Variants in SLC25A21 observed in about 807,000 individuals in gnomAD.
SLC25A21 encodes mitochondrial 2-oxodicarboxylate carrier.
Under a neutral mutation model 43.8 loss-of-function variants are expected in SLC25A21, and 47 were observed. The ratio of observed to expected loss-of-function variants is 1.07; its 90% CI spans 0.85 to 1.37. The LOEUF (loss-of-function observed/expected upper bound fraction) is 1.37, where lower values mean the gene tolerates loss of function less well. Among genes scored for constraint, SLC25A21 ranks in the 40% most tolerant of loss-of-function variants. The probability of loss-of-function intolerance (pLI) is 0.00; values close to 1 mark genes in which losing one functional copy is unlikely to be tolerated. For missense variants in SLC25A21, 352 were observed against 350.2 expected (o/e 1.00, Z -0.04); for synonymous variants, 131 against 121.3 (o/e 1.08, Z -0.52).
chr14:36,830,535 C>A (rs1889000224), intron 2 of SLC25A21, among the ~76,000 whole-genome samples: 1 of 151,210 alleles, frequency 6.6e-6, no homozygotes, highest in South Asian at 2.1e-4. Context: ...TATCCTTTTT[C>A]TTTTTTCAGG....
At chr14:37,046,217 C>T (rs1961582380) in intron 1 of SLC25A21, among the ~76,000 whole-genome samples, 1 of 152,058 alleles carries the variant, frequency 6.6e-6, no homozygotes, top group Non-Finnish European at 1.5e-5. Flanking sequence ...CCCTCTTTGC[C>T]GACGCTCTCA....
chr14:37,137,356 T>C (rs1025780581), intron 1 of SLC25A21, among the ~76,000 whole-genome samples: 1 of 152,234 alleles, frequency 6.6e-6, no homozygotes, highest in Non-Finnish European at 1.5e-5. Flanking sequence ...ATGTTTATGT[T>C]TAAATATTAT....
chr14:36,710,274 G>A (rs1566523748), intron 7 of SLC25A21, among the ~76,000 whole-genome samples: 1 of 151,918 alleles, frequency 6.6e-6, no homozygotes, highest in Non-Finnish European at 1.5e-5. Context: ...TCAGGAGGCT[G>A]GTGCAGGAGA....
intron 3 of SLC25A21, among the ~76,000 whole-genome samples, chr14:36,782,957 A>G (rs1029020812): frequency 2.1e-5 from 3 of 145,478 alleles, no homozygotes; most frequent in Non-Finnish European, 4.6e-5. Context: ...TATAATAAAA[A>G]AATATAAATA....
At chr14:37,135,058 GT>G (rs1195281267) in intron 1 of SLC25A21, among the ~76,000 whole-genome samples, 3 of 151,824 alleles carry the variant, frequency 2.0e-5, no homozygotes, top group Non-Finnish European at 4.4e-5. Context: ...CTCCCGAGTA[GT>G]TGAGATTACA....
intron 2 of SLC25A21, among the ~76,000 whole-genome samples, chr14:36,822,627 A>T (rs1888675795): frequency 6.6e-6 from 1 of 152,250 alleles, no homozygotes; most frequent in East Asian, 1.9e-4. Flanking sequence ...TAAAGTAACA[A>T]CATCTTGGCA....
intron 1 of SLC25A21, among the ~76,000 whole-genome samples, chr14:37,041,696 C>T (rs960588717): frequency 2.0e-5 from 3 of 152,168 alleles, no homozygotes; most frequent in Admixed American, 6.5e-5. Flanking sequence ...CCATGACAGT[C>T]AAGTCCAGCC....
chr14:37,004,504 G>C (rs1261440030), intron 1 of SLC25A21, among the ~76,000 whole-genome samples: 2 of 152,294 alleles, frequency 1.3e-5, no homozygotes, highest in African/African-American at 4.8e-5. Flanking sequence ...GTAATTCATG[G>C]AGTAACTGAA....
At chr14:37,128,538 C>CTCTGTGTGTGTGTG (rs1555348857) in intron 1 of SLC25A21, among the ~76,000 whole-genome samples, 55 of 122,796 alleles carry the variant, frequency 4.5e-4, no homozygotes, top group Admixed American at 1.2e-3. Context: ...CTCTCTCTCT[C>CTCTGTGTGTGTGTG]TGTGTGTGTG....
At chr14:37,087,180 G>C (rs1344417279) in intron 1 of SLC25A21, among the ~76,000 whole-genome samples, 1 of 152,018 alleles carries the variant, frequency 6.6e-6, no homozygotes, top group African/African-American at 2.4e-5. Context: ...AAGAAGTTCT[G>C]ACCTGTGAAT....
At chr14:36,682,482 G>A (rs1455881685) in intron 9 of SLC25A21, among the ~76,000 whole-genome samples, 1 of 152,104 alleles carries the variant, frequency 6.6e-6, no homozygotes, top group African/African-American at 2.4e-5. Flanking sequence ...ACAAAACTTG[G>A]GGTCAGATTA....
At chr14:36,932,382 G>A (rs1892317655) in intron 1 of SLC25A21, among the ~76,000 whole-genome samples, 2 of 152,108 alleles carry the variant, frequency 1.3e-5, no homozygotes, top group Admixed American at 6.6e-5. Flanking sequence ...TACGGTGGAG[G>A]TAGGTTGTCC....
chr14:37,091,382 C>T lies in SLC25A21; in HGVS notation c.70+80899G>A, dbSNP rs11849630. The stretch of plus-strand genomic sequence containing the variant: ...CTGAGAGGCAAAGCTTGAAGTGAAC[C>T]GAGATTGCACCACTGCGCTCCAGCC... On this transcript the variant is annotated intron_variant, in intron 1 of 9. Coordinates refer to ENST00000331299, the MANE Select transcript of SLC25A21 (RefSeq NM_030631.4). Among the ~76,000 whole-genome samples, 1,331 of 151,378 alleles carry T rather than the reference C, an allele frequency of 8.8e-3. 18 individuals carry two copies. Among genetic ancestry groups the T allele is most frequent in the African/African-American group, 0.031 (1,271 of 41,204 alleles).
chr14:37,117,486 AG>A (rs1963126340), intron 1 of SLC25A21, among the ~76,000 whole-genome samples: 1 of 152,212 alleles, frequency 6.6e-6, no homozygotes. Flanking sequence ...TTATTTTAGA[AG>A]AGAGTTTTTT....
chr14:36,896,922 G>A (rs12435126), intron 1 of SLC25A21, among the ~76,000 whole-genome samples: 5,766 of 152,158 alleles, frequency 0.038, 175 homozygotes, highest in African/African-American at 0.084. Flanking sequence ...TTAGTCTGAT[G>A]GGCTTCCCTT....
intron 1 of SLC25A21, among the ~76,000 whole-genome samples, chr14:37,048,609 C>T (rs1320735438): frequency 1.3e-5 from 2 of 152,048 alleles, no homozygotes; most frequent in Non-Finnish European, 2.9e-5. Context: ...TGACATCTGA[C>T]AGCTGGGAGG....
intron 1 of SLC25A21, among the ~76,000 whole-genome samples, chr14:36,901,567 T>TATA (rs1290102363): frequency 6.6e-6 from 1 of 152,174 alleles, no homozygotes; most frequent in East Asian, 1.9e-4. Context: ...TCAATTAGAA[T>TATA]ATACACTTTT....
At chr14:36,798,368 T>A (rs1361564774) in intron 3 of SLC25A21, among the ~76,000 whole-genome samples, 2 of 152,180 alleles carry the variant, frequency 1.3e-5, no homozygotes, top group Non-Finnish European at 2.9e-5. Flanking sequence ...ATAAGAAGTG[T>A]GAAGAAACCT....
At chr14:37,117,575 A>T (rs1963127949) in intron 1 of SLC25A21, among the ~76,000 whole-genome samples, 1 of 152,180 alleles carries the variant, frequency 6.6e-6, no homozygotes. Context: ...GGTATGACAG[A>T]TCTAATATAA....
Sources: gnomAD v4.1 joint callset for allele counts (sites outside exome capture counted in the v4.1 genomes callset) on GRCh38, gnomAD v4.1.1 for gene constraint, MANE v1.5 for transcripts, NCBI Gene and HGNC (gene_info 2026-07-23, HGNC 2026-07-21) for gene names.